The following MAN2B2 variants were observed in gnomAD, a reference collection of about 807,000 sequenced individuals.
The protein encoded by MAN2B2 is mannosidase alpha class 2B member 2, also known as epididymis-specific alpha-mannosidase.
A neutral mutation model predicts 117.1 loss-of-function variants in MAN2B2; 106 were observed. The ratio of observed to expected loss-of-function variants is 0.90; its 90% CI spans 0.77 to 1.06. MAN2B2 has a LOEUF of 1.06. Among genes scored for constraint, MAN2B2 ranks in the 50% least tolerant of loss-of-function variants. The pLI, the probability that MAN2B2 is intolerant of heterozygous loss-of-function variation, is 0.00. For missense variants in MAN2B2, 1,326 were observed against 1,381.4 expected, an observed-to-expected ratio of 0.96 and a Z score of 0.64; for synonymous variants, 544 against 595.1, an observed-to-expected ratio of 0.91 and a Z score of 1.25.
intron 3 of MAN2B2, among the ~76,000 whole-genome samples, chr4:6,583,590 G>C (rs1009711531): frequency 8.5e-5 from 13 of 152,188 alleles, no homozygotes; most frequent in Non-Finnish European, 1.5e-5. Context: ...TAATCCGTAC[G>C]GGTCTGCAGC....
rs775671144 is a variant in MAN2B2 at position 6,617,407 on chromosome 4, T to G, written c.2729T>G (p.Leu910Arg). Residue 910 changes from leucine to arginine, a missense_variant, in exon 17 of 19, where the codon CTC (leucine) becomes CGC (arginine). Coordinates refer to ENST00000285599, the MANE Select transcript of MAN2B2 (RefSeq NM_015274.3). ...CATCGAGGGGAAGCCCAGGCTGACC[T>G]CCGCCGTGTCCTGCTGCGGCTCTAC... The part of the protein sequence containing the change: ...KGHRGEAQAD[L>R]RRVLLRLYHL... The G allele has an allele frequency of 6.2e-7, 1 of 1,614,032 alleles. No homozygotes were observed. Among genetic ancestry groups the G allele is most frequent in the Non-Finnish European group, 8.5e-7 (1 of 1,179,976 alleles).
chr4:6,597,118 T>C lies in MAN2B2; in HGVS notation c.1063T>C (p.Phe355Leu), dbSNP rs1366357716. 2.5e-6 allele frequency: 4 copies of C among 1,613,250 alleles called. No individual in the cohort carries two copies. In the South Asian group the frequency reaches 3.3e-5, roughly 13 times the overall value. Reference sequence around the variant, plus strand: ...CATCTTCCCTTGTCTCCCAGAACCATTCCAGGCCTGGACGGGCTTCTACAC... The same window carrying C: ...CATCTTCCCTTGTCTCCCAGAACCACTCCAGGCCTGGACGGGCTTCTACAC... ...HDFLPYSTEP[F>L]QAWTGFYTSR... Residue 355 changes from phenylalanine to leucine, a missense_variant, in exon 8 of 19, where the codon TTC becomes CTC. Coordinates refer to ENST00000285599, the MANE Select transcript of MAN2B2 (RefSeq NM_015274.3).
chr4:6,600,411 T>C (rs1016789651), intron 9 of MAN2B2, among the ~76,000 whole-genome samples: 57 of 152,346 alleles, frequency 3.7e-4, no homozygotes, highest in African/African-American at 1.3e-3. Context: ...CCCCTCCGCC[T>C]GCCCTGCCCT....
At position 6,576,716 on chromosome 4, in the gene MAN2B2, A is replaced by C. The variant is rs1183732724; in HGVS notation, c.277A>C (p.Lys93Gln). ...WWDGVASDQQ[K>Q]YQVRQLLEEG... The stretch of plus-strand genomic sequence containing the variant: ...GGATGGCGTCGCCTCGGACCAGCAG[A>C]AATACCAGGTAATGAGGTCACCAGG... Residue 93 changes from lysine to glutamine, a missense_variant, in exon 2 of 19, where the codon AAA becomes CAA. Coordinates refer to ENST00000285599, the MANE Select transcript of MAN2B2 (RefSeq NM_015274.3). The C allele has an allele frequency of 6.2e-7, 1 of 1,613,714 alleles. No homozygotes were observed. The highest frequency in any genetic ancestry group is 1.3e-5 in the African/African-American group (1 of 74,914).
At position 6,576,697 on chromosome 4, in the gene MAN2B2, C is replaced by T. The variant is rs1212357039; in HGVS notation, c.258C>T (p.Gly86=). The stretch of plus-strand genomic sequence containing the variant: ...AGTTTTTCCGGCTGTGGTGGGATGG[C>T]GTCGCCTCGGACCAGCAGAAATACC... ...EQEFFRLWWD[G]VASDQQKYQV... is the part of the protein sequence containing the mutation. The change falls in exon 2 of 19, where the codon GGC becomes GGT. Residue 86 remains glycine, a synonymous_variant. Coordinates refer to ENST00000285599, the MANE Select transcript of MAN2B2 (RefSeq NM_015274.3). 63 of 1,613,812 alleles carry T rather than the reference C, an allele frequency of 3.9e-5. No homozygotes were observed. Among genetic ancestry groups the T allele is most frequent in the Non-Finnish European group, 5.0e-5 (59 of 1,179,982 alleles).
chr4:6,619,692 C>G, intron 17 of MAN2B2: 1 of 451,832 alleles, frequency 2.2e-6, no homozygotes, highest in Non-Finnish European at 4.0e-6. Context: ...GCTCGGCCAC[C>G]TGGTAAAGCA....
At chr4:6,593,415 C>T in intron 6 of MAN2B2, 65 bp downstream of exon 6, 1 of 1,485,924 alleles carries the variant, frequency 6.7e-7, no homozygotes, top group Non-Finnish European at 9.0e-7. Context: ...AAGCCCTGGT[C>T]CCTGCACCCA....
chr4:6,575,656 G>A (rs1404458452), intron 1 of MAN2B2, among the ~76,000 whole-genome samples: 1 of 152,240 alleles, frequency 6.6e-6, no homozygotes, highest in Non-Finnish European at 1.5e-5. Flanking sequence ...GCAGGAGAGG[G>A]TGGGGCTGGC....
intron 10 of MAN2B2, among the ~76,000 whole-genome samples, chr4:6,603,104 G>A (rs1276619785): frequency 3.9e-5 from 6 of 152,100 alleles, no homozygotes; most frequent in African/African-American, 9.7e-5. Context: ...TTCCACCCTG[G>A]CATGTGGGAA....
At chr4:6,616,268 T>G (rs1183549626) in intron 16 of MAN2B2, among the ~76,000 whole-genome samples, 3 of 152,310 alleles carry the variant, frequency 2.0e-5, no homozygotes, top group African/African-American at 4.8e-5. Flanking sequence ...TGCTTTCCTC[T>G]GAGCCTCGGT....
At chr4:6,614,013 C>T (rs949784550) in intron 15 of MAN2B2, among the ~76,000 whole-genome samples, 114 of 152,276 alleles carry the variant, frequency 7.5e-4, no homozygotes, top group Non-Finnish European at 4.7e-4. Context: ...AGCTCTTAAG[C>T]TCTATGGTCT....
At chr4:6,614,111 G>T (rs1213987992) in intron 15 of MAN2B2, 107 bp from the exon 16 acceptor site, 1 of 1,405,294 alleles carries the variant, frequency 7.1e-7, no homozygotes, top group African/African-American at 1.4e-5. Context: ...AAGGATGCAT[G>T]GGAAGTGGCT....
chr4:6,607,223 TGAGA>T (rs1014800148), intron 11 of MAN2B2, among the ~76,000 whole-genome samples: 9 of 152,194 alleles, frequency 5.9e-5, no homozygotes, highest in South Asian at 2.1e-4. Context: ...ATTGATTGAT[TGAGA>T]GAGTCTCACT....
At chr4:6,591,406 G>A (rs909317654) in intron 5 of MAN2B2, among the ~76,000 whole-genome samples, 7 of 152,256 alleles carry the variant, frequency 4.6e-5, no homozygotes, top group Admixed American at 6.5e-5. Flanking sequence ...CCAAGGCCCC[G>A]TGGGAGTGCA....
At chr4:6,610,731 C>T (rs1727735389) in intron 13 of MAN2B2, 149 bp from the exon 14 acceptor site, 2 of 678,294 alleles carry the variant, frequency 2.9e-6, no homozygotes, top group East Asian at 5.4e-5. Flanking sequence ...GGTGTCTGAA[C>T]CCCAGTCTGT....
chr4:6,614,411 G>A (rs1474351732), intron 16 of MAN2B2, 56 bp downstream of exon 16: 2 of 1,588,744 alleles, frequency 1.3e-6, no homozygotes, highest in South Asian at 1.1e-5. Context: ...AGTCAAACAG[G>A]CCACCGGGCC....
intron 18 of MAN2B2, 24 bp downstream of exon 18, chr4:6,620,068 C>G: frequency 6.3e-7 from 1 of 1,581,794 alleles, no homozygotes; most frequent in Non-Finnish European, 8.6e-7. Context: ...CGCTTCAGCT[C>G]CCTACCCAGG....
intron 10 of MAN2B2, among the ~76,000 whole-genome samples, chr4:6,604,421 C>T (rs1367176132): frequency 4.3e-5 from 1 of 23,514 alleles, no homozygotes; most frequent in Non-Finnish European, 8.5e-5. Context: ...CTCAAGAAGG[C>T]GGTGGGGGGC....
chr4:6,622,247 G>C lies in MAN2B2; in HGVS notation c.*962G>C, dbSNP rs900492298. 3 of 152,348 alleles carry C rather than the reference G, an allele frequency of 2.0e-5. No homozygotes were observed. The highest frequency in any genetic ancestry group is 7.2e-5 in the African/African-American group (3 of 41,578). 9.4% of individuals were successfully genotyped at this position (152,348 alleles called of 1,614,324 possible). ...GGCAAATCTGTGTATCAGAGACAAA[G>C]CACATTGGTGGTTGCCAGGTACTGG... On this transcript the variant is annotated 3_prime_UTR_variant, in exon 19 of 19. Transcript: ENST00000285599.
Sources: allele counts gnomAD v4.1 joint callset (sites outside exome capture counted in the v4.1 genomes callset), GRCh38; gene constraint gnomAD v4.1.1; transcripts MANE v1.5; gene names NCBI Gene and HGNC (gene_info 2026-07-23, HGNC 2026-07-21).